The following PAQR5 variants were observed in gnomAD, a reference collection of about 807,000 sequenced individuals.
PAQR5 encodes the protein membrane progestin receptor gamma.
A neutral mutation model predicts 34.5 loss-of-function variants in PAQR5; 20 were observed. That is an observed-to-expected ratio of 0.58 (90% CI 0.41 to 0.84). The LOEUF (loss-of-function observed/expected upper bound fraction) is 0.84. PAQR5 is among the 40% of genes least tolerant of loss of function. The probability of loss-of-function intolerance (pLI) is 0.00; values close to 1 mark genes in which losing one functional copy is unlikely to be tolerated. For missense variants in PAQR5, 378 were observed against 412.7 expected (o/e 0.92, Z 0.73); for synonymous variants, 131 against 155.6 (o/e 0.84, Z 1.18).
In PAQR5 at chr15:69,403,986, C is replaced by A. The variant is rs2056712393; in HGVS notation, c.*164C>A. 2 of 718,242 alleles carry A rather than the reference C, an allele frequency of 2.8e-6. No homozygotes were observed. The highest frequency in any genetic ancestry group is 4.5e-6 in the Non-Finnish European group (2 of 445,782). The allele number at this position is 718,242 out of a possible 1,614,324, so 44.5% of individuals were successfully genotyped here. ...AAATGTTATTCAGCTGGGGAAATTT[C>A]TCTAAATGTACACTGATTCTGTGTG... On this transcript the variant is annotated 3_prime_UTR_variant, in exon 9 of 9. Coordinates refer to ENST00000395407, the MANE Select transcript of PAQR5 (RefSeq NM_017705.4).
intron 7 of PAQR5, 58 bp from the exon 8 acceptor site, chr15:69,399,916 A>G: frequency 6.4e-7 from 1 of 1,551,866 alleles, no homozygotes; most frequent in Non-Finnish European, 8.7e-7. Flanking sequence ...CTGAGAAGGA[A>G]GAGGGCCTGC....
At chr15:69,325,338 C>T (rs2054224095) in intron 1 of PAQR5, among the ~76,000 whole-genome samples, 1 of 152,156 alleles carries the variant, frequency 6.6e-6, no homozygotes, top group African/African-American at 2.4e-5. Flanking sequence ...GTCAGGCAGC[C>T]ACAGCACCCT....
At chr15:69,366,665 AT>A (rs1452312973) in intron 3 of PAQR5, among the ~76,000 whole-genome samples, 36 of 152,310 alleles carry the variant, frequency 2.4e-4, no homozygotes, top group African/African-American at 7.7e-4. Flanking sequence ...CCGATAAATA[AT>A]GTATAGTCTC....
rs188890049 is a variant in PAQR5, at chr15:69,331,188, T to C, written c.-276-6153T>C. Among the ~76,000 whole-genome samples, 3 of 152,262 alleles carry C rather than the reference T, an allele frequency of 2.0e-5. No individual in the cohort carries two copies. The East Asian group carries it at 5.8e-4, about 29-fold the overall frequency. ...CTGGATTGGTGAGTAACCTAGGTGC[T>C]GCCAATGCCTCCTTCCTTCTCGCCA... On this transcript the variant is annotated intron_variant, in intron 1 of 8. Coordinates refer to ENST00000395407, the MANE Select transcript of PAQR5 (RefSeq NM_017705.4).
chr15:69,336,028 GA>G (rs1156591793), intron 1 of PAQR5, among the ~76,000 whole-genome samples: 3 of 151,788 alleles, frequency 2.0e-5, no homozygotes, highest in African/African-American at 4.8e-5. Context: ...TAAGTGGCAG[GA>G]AAAAAAAGGA....
chr15:69,380,262 T>G, intron 4 of PAQR5: 1 of 429,438 alleles, frequency 2.3e-6, no homozygotes, highest in African/African-American at 2.0e-5. Flanking sequence ...TCCTTCCTGC[T>G]CCCTGCTCCG....
In PAQR5 at chr15:69,399,845, G is replaced by A. The variant is rs557544903; in HGVS notation, c.610-129G>A. 7.0e-5 allele frequency: 63 copies of A among 903,358 alleles called. No homozygotes were observed. In the African/African-American group the frequency reaches 9.8e-4, roughly 14 times the overall value. The allele number at this position is 903,358 out of a possible 1,614,324, so 56.0% of individuals were successfully genotyped here. A position where few individuals can be genotyped will look rare whatever the true frequency, so the allele number is the denominator to read the frequency against. ...GGAGGTGAGGGCCTTGGCCTCTGGA[G>A]TTTGTGTATGTGTGCTAACATGTGT... is the stretch of plus-strand genomic sequence containing the variant. On this transcript the variant is annotated intron_variant, in intron 7 of 8. Transcript: ENST00000395407.
intron 1 of PAQR5, among the ~76,000 whole-genome samples, chr15:69,333,608 G>A (rs2054442045): frequency 6.6e-6 from 1 of 152,216 alleles, no homozygotes; most frequent in Non-Finnish European, 1.5e-5. Context: ...TGAATGGAAT[G>A]CAGGGTAGAA....
intron 8 of PAQR5, among the ~76,000 whole-genome samples, chr15:69,402,341 G>C (rs553696055): frequency 6.7e-6 from 1 of 149,782 alleles, no homozygotes; most frequent in Admixed American, 6.6e-5. Context: ...TTTTTGAGAC[G>C]GAGTCTCGCT....
intron 3 of PAQR5, among the ~76,000 whole-genome samples, chr15:69,364,009 G>A (rs1249905783): frequency 6.6e-6 from 1 of 152,142 alleles, no homozygotes; most frequent in Non-Finnish European, 1.5e-5. Context: ...TTCCAGACTT[G>A]CACTGCAGCT....
intron 2 of PAQR5, among the ~76,000 whole-genome samples, chr15:69,351,892 G>A (rs1005897240): frequency 1.1e-4 from 17 of 152,244 alleles, no homozygotes; most frequent in African/African-American, 2.9e-4. Context: ...AGAAAGAAGC[G>A]CATGAACACC....
At chr15:69,371,809 A>G (rs2055570762) in intron 3 of PAQR5, among the ~76,000 whole-genome samples, 1 of 152,178 alleles carries the variant, frequency 6.6e-6, no homozygotes, top group Non-Finnish European at 1.5e-5. Context: ...CCAAACCTAG[A>G]TTTTTTTGTA....
intron 2 of PAQR5, among the ~76,000 whole-genome samples, chr15:69,345,134 GGAAA>G (rs1250478835): frequency 1.1e-4 from 17 of 148,862 alleles, no homozygotes; most frequent in South Asian, 4.3e-4. Flanking sequence ...AAAGAAGAAA[GGAAA>G]GAAAGAAAGA....
In PAQR5 at chr15:69,400,167, G is replaced by T. The variant is rs768931135; in HGVS notation, c.751+52G>T. On this transcript the variant is annotated intron_variant, in intron 8 of 8. Transcript: ENST00000395407. ...TGCTCATTGCCCTCCTGACTGGGGAGGGTCCTGTCCCTGACTCCAGTGCAC... is the reference window on the plus strand; with the variant it reads ...TGCTCATTGCCCTCCTGACTGGGGATGGTCCTGTCCCTGACTCCAGTGCAC... The T allele has an allele frequency of 3.8e-6, 6 of 1,569,282 alleles. No individual in the cohort carries two copies. In the African/African-American group the frequency reaches 8.1e-5, roughly 21 times the overall value.
At chr15:69,382,303 T>C (rs2055905757) in intron 4 of PAQR5, among the ~76,000 whole-genome samples, 1 of 151,990 alleles carries the variant, frequency 6.6e-6, no homozygotes, top group Admixed American at 6.6e-5. Flanking sequence ...CGGGAGTATT[T>C]AATGTGAAGT....
intron 1 of PAQR5, among the ~76,000 whole-genome samples, chr15:69,312,207 T>C (rs1325223919): frequency 6.6e-6 from 1 of 152,120 alleles, no homozygotes; most frequent in Non-Finnish European, 1.5e-5. Context: ...TGATGTTGTA[T>C]AGAGGAGGCA....
chr15:69,356,597 A>G (rs2055084091), intron 2 of PAQR5, among the ~76,000 whole-genome samples: 2 of 152,058 alleles, frequency 1.3e-5, no homozygotes, highest in South Asian at 2.1e-4. Context: ...GAACATTTTT[A>G]TCATCCCAAA....
intron 2 of PAQR5, among the ~76,000 whole-genome samples, chr15:69,339,168 A>AG (rs1555415740): frequency 7.5e-6 from 1 of 134,066 alleles, no homozygotes; most frequent in Admixed American, 7.6e-5. Flanking sequence ...CCCACTGGCT[A>AG]CACCCCCCAC....
At chr15:69,402,543 C>T (rs2056666714) in intron 8 of PAQR5, among the ~76,000 whole-genome samples, 1 of 151,924 alleles carries the variant, frequency 6.6e-6, no homozygotes, top group South Asian at 2.1e-4. Context: ...GTCTCTATCT[C>T]CTGACCTCGT....
Sources: allele counts gnomAD v4.1 joint callset (sites outside exome capture counted in the v4.1 genomes callset), GRCh38; gene constraint gnomAD v4.1.1; transcripts MANE v1.5; gene names NCBI Gene and HGNC (gene_info 2026-07-23, HGNC 2026-07-21).